The following MMACHC variants were observed in gnomAD, a reference collection of about 807,000 sequenced individuals.
MMACHC encodes the protein cyanocobalamin reductase / alkylcobalamin dealkylase.
MMACHC carries 14 observed loss-of-function variants against 17.6 expected under a neutral mutation model. That is an observed-to-expected ratio of 0.80 (90% confidence interval 0.53 to 1.25). The LOEUF is 1.25. Ranked by LOEUF, MMACHC falls within the 50% of genes most tolerant of loss-of-function variation. MMACHC has a pLI of 0.00. For missense variants in MMACHC, 392 were observed against 364.5 expected, an observed-to-expected ratio of 1.08 and a Z score of -0.62; for synonymous variants, 151 against 142.1, an observed-to-expected ratio of 1.06 and a Z score of -0.45.
chr1:45,505,576 G>A (rs1489723054), intron 1 of MMACHC, among the ~76,000 whole-genome samples: 1 of 151,846 alleles, frequency 6.6e-6, no homozygotes, highest in Non-Finnish European at 1.5e-5. Flanking sequence ...TTGCAGGCAT[G>A]AGCCACCGCG....
chr1:45,500,376 C>T lies in MMACHC; in HGVS notation c.44C>T (p.Thr15Met), dbSNP rs765601770. 1.9e-6 allele frequency: 3 copies of T among 1,614,156 alleles called. No homozygotes were observed. Among genetic ancestry groups the T allele is most frequent in the South Asian group, 1.1e-5 (1 of 91,086 alleles). Residue 15 changes from threonine (T) to methionine (M), a missense_variant, in exon 1 of 4, where the codon ACG (threonine) becomes ATG (methionine). Transcript: ENST00000401061. The part of the protein sequence containing the change: ...VAELKQKIED[T>M]LCPFGFEVYP... ...GAGCTGAAGCAGAAGATCGAGGACA[C>T]GCTATGTCCTTTTGGCTTCGAGGTT...
intron 2 of MMACHC, among the ~76,000 whole-genome samples, 169 bp from the exon 3 acceptor site, chr1:45,508,043 T>C (rs1270782426): frequency 6.6e-6 from 1 of 152,220 alleles, no homozygotes; most frequent in African/African-American, 2.4e-5. Flanking sequence ...TGTGCCCTTC[T>C]GGAAATAACT....
Position 45,500,396 on chromosome 1 carries a change from G to A in MMACHC, c.64G>A (p.Glu22Lys), listed in dbSNP as rs1478779847. Residue 22 changes from glutamate to lysine, a missense_variant, in exon 1 of 4, where the codon GAG becomes AAG. Glu to Lys is a moderately conservative substitution (Grantham distance 56). Transcript: ENST00000401061. Reference sequence around the variant, plus strand: ...GGACACGCTATGTCCTTTTGGCTTCGAGGTTTACCCCTTCCAGGTTAGTTT... The same window carrying A: ...GGACACGCTATGTCCTTTTGGCTTCAAGGTTTACCCCTTCCAGGTTAGTTT... ...IEDTLCPFGF[E>K]VYPFQVAWYN... The A allele has an allele frequency of 1.9e-6, 3 of 1,614,082 alleles. No homozygotes were observed. The highest frequency in any genetic ancestry group is 1.3e-5 in the African/African-American group (1 of 74,926).
At position 45,500,339 on chromosome 1, in the gene MMACHC, C is replaced by G; in HGVS notation, c.7C>G (p.Pro3Ala). The G allele has an allele frequency of 2.5e-6, 4 of 1,614,090 alleles. No homozygotes were observed. Among genetic ancestry groups the G allele is most frequent in the Non-Finnish European group, 3.4e-6 (4 of 1,180,018 alleles). Residue 3 changes from proline (P) to alanine (A), a missense_variant, in exon 1 of 4, where the codon CCG (proline) becomes GCG (alanine). By Grantham distance (27) the Pro-to-Ala change is conservative (BLOSUM62 -1). Transcript: ENST00000401061. ...TCAGCGTGTAACGTGCGCTATGGAG[C>G]CGAAAGTCGCAGAGCTGAAGCAGAA... ME[P>A]KVAELKQKIE...
chr1:45,502,430 G>T (rs1341200948), intron 1 of MMACHC, among the ~76,000 whole-genome samples: 1 of 151,950 alleles, frequency 6.6e-6, no homozygotes, highest in Non-Finnish European at 1.5e-5. Flanking sequence ...AACACTCAGG[G>T]TCTCACTTTG....
In MMACHC at chr1:45,509,246, G is replaced by C. The variant is rs1381633768; in HGVS notation, c.*31G>C. ...TCCCATGTGGACCCTGATTTATGGT[G>C]GTACTTGCTAGGACTTAATTGGCTT... On this transcript the variant is annotated 3_prime_UTR_variant, in exon 4 of 4. Coordinates refer to ENST00000401061, the MANE Select transcript of MMACHC (RefSeq NM_015506.3). 5.6e-6 allele frequency: 9 copies of C among 1,613,460 alleles called. No individual in the cohort carries two copies. Among genetic ancestry groups the C allele is most frequent in the Non-Finnish European group, 7.6e-6 (9 of 1,179,766 alleles).
intron 1 of MMACHC, among the ~76,000 whole-genome samples, chr1:45,504,682 C>T (rs1225705433): frequency 6.6e-6 from 1 of 151,974 alleles, no homozygotes; most frequent in Non-Finnish European, 1.5e-5. Flanking sequence ...CTGTGATCAC[C>T]TCACTGCACT....
intron 1 of MMACHC, among the ~76,000 whole-genome samples, chr1:45,504,063 G>C (rs1643583158): frequency 6.6e-6 from 1 of 152,212 alleles, no homozygotes; most frequent in East Asian, 1.9e-4. Flanking sequence ...TCCTAAAACT[G>C]AAAATAAAGT....
At position 45,508,999 on chromosome 1, in the gene MMACHC, C is replaced by T. The variant is rs577804554; in HGVS notation, c.633C>T (p.Pro211=). Residue 211 remains proline, a synonymous_variant, in exon 4 of 4, where the codon CCC becomes CCT. Coordinates refer to ENST00000401061, the MANE Select transcript of MMACHC (RefSeq NM_015506.3). The part of the protein sequence containing the change: ...RDWTYRDAVT[P]QERYSEEQKA... ...GGACTTACCGGGATGCTGTGACACC[C>T]CAGGAGCGCTACTCAGAAGAGCAGA... The T allele has an allele frequency of 3.7e-6, 6 of 1,614,178 alleles. No individual in the cohort carries two copies. The East Asian group carries it at 1.3e-4, about 36-fold the overall frequency.
At position 45,509,416 on chromosome 1, in the gene MMACHC, GT is replaced by G. The variant is rs56934185; in HGVS notation, c.*217del. ...AGAATTCCCATCTGCCTTCAAATGAGTTTTTTTTTTTTTTTTAGACAGAGTC... is the reference window on the plus strand; with the variant it reads ...AGAATTCCCATCTGCCTTCAAATGAGTTTTTTTTTTTTTTTAGACAGAGTC... On this transcript the variant is annotated 3_prime_UTR_variant, in exon 4 of 4. Coordinates refer to ENST00000401061, the MANE Select transcript of MMACHC (RefSeq NM_015506.3). The G allele has an allele frequency of 0.048, 18,877 of 390,666 alleles. 166 individuals are homozygous for G. The highest frequency in any genetic ancestry group is 0.057 in the Non-Finnish European group (13,064 of 228,514). The allele number at this position is 390,666 out of a possible 1,614,324, so 24.2% of individuals were successfully genotyped here.
intron 3 of MMACHC, 127 bp downstream of exon 3, chr1:45,508,491 A>C: frequency 8.6e-7 from 1 of 1,160,070 alleles, no homozygotes; most frequent in African/African-American, 1.5e-5. Flanking sequence ...TTTGTTCTGG[A>C]TGGGAGGCAG....
At chr1:45,503,346 C>T (rs199778879) in intron 1 of MMACHC, among the ~76,000 whole-genome samples, 3 of 150,992 alleles carry the variant, frequency 2.0e-5, no homozygotes, top group Non-Finnish European at 2.9e-5. Context: ...TGTGGTGAGT[C>T]GAGATCGCGC....
intron 2 of MMACHC, 71 bp downstream of exon 2, chr1:45,507,621 G>C: frequency 1.3e-6 from 2 of 1,546,570 alleles, no homozygotes; most frequent in Non-Finnish European, 1.8e-6. Context: ...ACTCAATGCA[G>C]GATCTAGACC....
Position 45,508,919 on chromosome 1 carries a change from A to G in MMACHC, c.553A>G (p.Thr185Ala), listed in dbSNP as rs1205106855. ...CAGAAAACCTCATGACTGTGTACCT[A>G]CAAGAGCTGACCGTATCGCCCTACT... ...PPRKPHDCVP[T>A]RADRIALLEG... Residue 185 changes from threonine to alanine, a missense_variant, in exon 4 of 4, where the codon ACA becomes GCA. Coordinates refer to ENST00000401061, the MANE Select transcript of MMACHC (RefSeq NM_015506.3). The G allele has an allele frequency of 1.9e-6, 3 of 1,614,024 alleles. No individual in the cohort carries two copies. The South Asian group carries it at 3.3e-5, about 18-fold the overall frequency.
intron 2 of MMACHC, 66 bp downstream of exon 2, chr1:45,507,616 A>G (rs954861753): frequency 4.5e-6 from 7 of 1,554,384 alleles, no homozygotes; most frequent in African/African-American, 2.7e-5. Context: ...TCCACACTCA[A>G]TGCAGGATCT....
intron 3 of MMACHC, 146 bp downstream of exon 3, chr1:45,508,510 C>T (rs371330351): frequency 9.8e-7 from 1 of 1,018,510 alleles, no homozygotes; most frequent in Non-Finnish European, 1.4e-6. Flanking sequence ...AGTCCTGTCA[C>T]ATGCGGTTGT....
chr1:45,509,291 G>C lies in MMACHC; in HGVS notation c.*76G>C. The C allele has an allele frequency of 6.6e-7, 1 of 1,510,392 alleles. No homozygotes were observed. Among genetic ancestry groups the C allele is most frequent in the Admixed American group, 1.7e-5 (1 of 59,528 alleles). 93.6% of individuals were successfully genotyped at this position (1,510,392 alleles called of 1,614,324 possible). On this transcript the variant is annotated 3_prime_UTR_variant, in exon 4 of 4. Coordinates refer to ENST00000401061, the MANE Select transcript of MMACHC (RefSeq NM_015506.3). ...TGGCTTTGGCAAAGCAAAAGGTTTT[G>C]AGTACAAGATTACTATTTTTGATAA...
chr1:45,509,216 T>G lies in MMACHC; in HGVS notation c.*1T>G, dbSNP rs1643691721. 1.2e-6 allele frequency: 2 copies of G among 1,613,966 alleles called. No homozygotes were observed. The highest frequency in any genetic ancestry group is 2.2e-5 in the East Asian group (1 of 44,868). On this transcript the variant is annotated 3_prime_UTR_variant, in exon 4 of 4. Coordinates refer to ENST00000401061, the MANE Select transcript of MMACHC (RefSeq NM_015506.3). ...ACCACCTGCATCCCCTGGCCCTTGA[T>G]TTTCTCCCATGTGGACCCTGATTTA...
At chr1:45,500,893 C>T (rs1015111692) in intron 1 of MMACHC, among the ~76,000 whole-genome samples, 2 of 145,976 alleles carry the variant, frequency 1.4e-5, no homozygotes, top group Non-Finnish European at 3.0e-5. Context: ...AAAAAGTTGT[C>T]GCATGTTTAA....
Sources: gnomAD v4.1 joint callset for allele counts (sites outside exome capture counted in the v4.1 genomes callset) on GRCh38, gnomAD v4.1.1 for gene constraint, MANE v1.5 for transcripts, NCBI Gene and HGNC (gene_info 2026-07-23, HGNC 2026-07-21) for gene names.